SLC25A48: variants seen among roughly 807,000 people sequenced by gnomAD.
The protein encoded by SLC25A48 is solute carrier family 25 member 48, also known as CTC-321K16.1.
In SLC25A48, 29 loss-of-function variants were observed where a neutral mutation model predicts 32.2. The ratio of observed to expected loss-of-function variants is 0.90; its 90% CI spans 0.67 to 1.23. SLC25A48 has a LOEUF of 1.23. Ranked by LOEUF, SLC25A48 falls within the 50% of genes most tolerant of loss-of-function variation. The pLI, the probability that SLC25A48 is intolerant of heterozygous loss-of-function variation, is 0.00. For missense variants in SLC25A48, 399 were observed against 422.7 expected (o/e 0.94, Z 0.49); for synonymous variants, 164 against 172.3 (o/e 0.95, Z 0.38).
chr5:135,739,308 G>A (rs1459030450), intron 3 of SLC25A48, among the ~76,000 whole-genome samples: 13 of 151,980 alleles, frequency 8.6e-5, no homozygotes, highest in Admixed American at 7.9e-4. Context: ...TGTAGAGATA[G>A]GGGTCTCACT....
At chr5:135,814,010 A>G (rs1220587832) in intron 4 of SLC25A48, among the ~76,000 whole-genome samples, 2 of 152,190 alleles carry the variant, frequency 1.3e-5, no homozygotes, top group African/African-American at 4.8e-5. Flanking sequence ...GAAAGGAAAC[A>G]TGAAGGGCTG....
At position 135,653,192 on chromosome 5, in the gene SLC25A48, C is replaced by G. The variant is rs143389262; in HGVS notation, c.-521+18236C>G. On this transcript the variant is annotated intron_variant, in intron 3 of 10. Coordinates refer to the SLC25A48 transcript ENST00000646290. Reference sequence around the variant, plus strand: ...CTGTTCTTTATAAATTACTCAGTTTCAGGTATCTTGTTATAACTGCATAAA... The same window carrying G: ...CTGTTCTTTATAAATTACTCAGTTTGAGGTATCTTGTTATAACTGCATAAA... Among the ~76,000 whole-genome samples the G allele has an allele frequency of 3.2e-3, 493 of 152,310 alleles. 2 individuals carry two copies. The highest frequency in any genetic ancestry group is 5.9e-3 in the Admixed American group (90 of 15,304).
At chr5:135,622,987 C>T (rs1019755182) in intron 1 of SLC25A48, among the ~76,000 whole-genome samples, 1 of 152,084 alleles carries the variant, frequency 6.6e-6, no homozygotes, top group African/African-American at 2.4e-5. Flanking sequence ...TGGAGGGCAC[C>T]AGAGCTTCTC....
chr5:135,880,354 C>T (rs74669863), intron 7 of SLC25A48, among the ~76,000 whole-genome samples: 5,488 of 152,072 alleles, frequency 0.036, 365 homozygotes, highest in African/African-American at 0.13. Context: ...CTCGCCTCTC[C>T]GTTTCCCCTT....
chr5:135,770,672 G>A (rs1756384511), intron 3 of SLC25A48, among the ~76,000 whole-genome samples: 1 of 151,062 alleles, frequency 6.6e-6, no homozygotes, highest in African/African-American at 2.4e-5. Context: ...TCGCGATATT[G>A]TTTCTAATAT....
At chr5:135,658,148 G>C (rs918054666) in intron 3 of SLC25A48, among the ~76,000 whole-genome samples, 5 of 152,170 alleles carry the variant, frequency 3.3e-5, no homozygotes, top group Admixed American at 3.3e-4. Context: ...TCTGAGACAA[G>C]GCAAGTCCCT....
At chr5:135,624,859 T>C (rs901584782) in intron 1 of SLC25A48, among the ~76,000 whole-genome samples, 6 of 152,222 alleles carry the variant, frequency 3.9e-5, no homozygotes, top group Non-Finnish European at 8.8e-5. Flanking sequence ...ATCCGATTTG[T>C]GGAACACTGT....
chr5:135,879,611 A>AGTGTGTGTGTGTGTGT (rs775091968), intron 6 of SLC25A48, among the ~76,000 whole-genome samples: 3 of 119,414 alleles, frequency 2.5e-5, no homozygotes, highest in African/African-American at 7.9e-5. Flanking sequence ...AGAGAGAGAG[A>AGTGTGTGTGTGTGTGT]GTGTGTGTGT....
At chr5:135,877,848 G>A (rs1762169400) in intron 6 of SLC25A48, among the ~76,000 whole-genome samples, 1 of 152,164 alleles carries the variant, frequency 6.6e-6, no homozygotes, top group African/African-American at 2.4e-5. Flanking sequence ...CTGCCAGGCT[G>A]CAAGCCAGGC....
chr5:135,717,986 T>C (rs1174850389), intron 3 of SLC25A48, among the ~76,000 whole-genome samples: 1 of 151,412 alleles, frequency 6.6e-6, no homozygotes, highest in Non-Finnish European at 1.5e-5. Context: ...TTTCTGGAAA[T>C]TAATTGTGGG....
At chr5:135,635,733 G>T (rs970684127) in intron 3 of SLC25A48, among the ~76,000 whole-genome samples, 1 of 152,164 alleles carries the variant, frequency 6.6e-6, no homozygotes, top group Non-Finnish European at 1.5e-5. Flanking sequence ...ATCCATGAAC[G>T]CAGAATTGGG....
At chr5:135,801,059 A>G (rs763009140) in intron 3 of SLC25A48, among the ~76,000 whole-genome samples, 9 of 151,310 alleles carry the variant, frequency 5.9e-5, no homozygotes, top group Non-Finnish European at 4.4e-5. Context: ...AGAGGACGAT[A>G]TTACTCCCAA....
intron 1 of SLC25A48, among the ~76,000 whole-genome samples, chr5:135,593,294 A>G: frequency 6.6e-6 from 1 of 152,148 alleles, no homozygotes; most frequent in East Asian, 1.9e-4. Flanking sequence ...TGGCAGGGCC[A>G]CAGGAAGATG....
chr5:135,768,575 T>A (rs1350194728), intron 3 of SLC25A48, among the ~76,000 whole-genome samples: 1 of 151,578 alleles, frequency 6.6e-6, no homozygotes, highest in Non-Finnish European at 1.5e-5. Context: ...ACATAGTTCA[T>A]AATATCCAGA....
intron 7 of SLC25A48, among the ~76,000 whole-genome samples, chr5:135,884,651 G>T (rs1938077207): frequency 6.6e-6 from 1 of 152,178 alleles, no homozygotes; most frequent in African/African-American, 2.4e-5. Context: ...TGCGAGTGAA[G>T]AGATGCTTCT....
chr5:135,859,368 G>A (rs933580770), intron 4 of SLC25A48, among the ~76,000 whole-genome samples: 1 of 152,070 alleles, frequency 6.6e-6, no homozygotes, highest in East Asian at 1.9e-4. Flanking sequence ...ACTATCATGA[G>A]AACAGCATGG....
At chr5:135,685,807 C>A (rs1362049320) in intron 3 of SLC25A48, among the ~76,000 whole-genome samples, 2 of 152,230 alleles carry the variant, frequency 1.3e-5, no homozygotes, top group African/African-American at 2.4e-5. Flanking sequence ...ACCACTGAAT[C>A]CACATGCTGG....
intron 1 of SLC25A48, among the ~76,000 whole-genome samples, chr5:135,838,482 A>G (rs1406982022): frequency 6.6e-6 from 1 of 152,224 alleles, no homozygotes; most frequent in Non-Finnish European, 1.5e-5. Context: ...GTTTATCACC[A>G]AGACAGTGGG....
intron 4 of SLC25A48, among the ~76,000 whole-genome samples, chr5:135,823,642 A>G (rs1422451152): frequency 6.6e-6 from 1 of 152,244 alleles, no homozygotes; most frequent in South Asian, 2.1e-4. Context: ...GATGAGAGAT[A>G]TTAATCAAGA....
Sources: allele counts gnomAD v4.1 joint callset (sites outside exome capture counted in the v4.1 genomes callset), GRCh38; gene constraint gnomAD v4.1.1; transcripts MANE v1.5; gene names NCBI Gene and HGNC (gene_info 2026-07-23, HGNC 2026-07-21).